WDR48: variants seen among roughly 807,000 people sequenced by gnomAD.
The protein encoded by WDR48 is WD repeat-containing protein 48.
A neutral mutation model predicts 94.0 loss-of-function variants in WDR48; 22 were observed. The ratio of observed to expected loss-of-function variants is 0.23; its 90% CI spans 0.17 to 0.33. The LOEUF is 0.33. Ranked by LOEUF, WDR48 falls within the 10% of genes least tolerant of loss-of-function variation. The pLI is 1.00. For missense variants in WDR48, 541 were observed against 813.8 expected (o/e 0.66, Z 4.08); for synonymous variants, 278 against 280.5 (o/e 0.99, Z 0.09).
chr3:39,068,530 A>G (rs568250922), intron 5 of WDR48, among the ~76,000 whole-genome samples: 1 of 152,350 alleles, frequency 6.6e-6, no homozygotes, highest in Admixed American at 6.5e-5. Context: ...TTAAGCGGAT[A>G]GCTTTTCAAT....
At chr3:39,094,495 C>T (rs79218984) in intron 18 of WDR48, 153 bp from the exon 19 acceptor site, 26,348 of 1,535,772 alleles carry the variant, frequency 0.017, 280 homozygotes, top group Non-Finnish European at 0.018. Context: ...AATTTCATTC[C>T]CGCATGCATG....
At chr3:39,075,639 A>C (rs2034181336) in intron 8 of WDR48, among the ~76,000 whole-genome samples, 1 of 152,180 alleles carries the variant, frequency 6.6e-6, no homozygotes, top group African/African-American at 2.4e-5. Flanking sequence ...CGACATGTTC[A>C]ACCTCACCGA....
At chr3:39,053,735 A>G (rs1421768084) in intron 1 of WDR48, among the ~76,000 whole-genome samples, 1 of 152,156 alleles carries the variant, frequency 6.6e-6, no homozygotes, top group African/African-American at 2.4e-5. Flanking sequence ...CATGCAATAA[A>G]GTATATATAT....
rs76181573 is a variant in WDR48, at chr3:39,072,090, G to A, written c.672+2346G>A. On this transcript the variant is annotated intron_variant, in intron 7 of 18. Coordinates refer to ENST00000302313, the MANE Select transcript of WDR48 (RefSeq NM_020839.4). ...TTTGTAAATCAGGAATTGGCAGTAA[G>A]ATACATATCTTATAGGCCAATGAAT... Among the ~76,000 whole-genome samples the A allele has an allele frequency of 3.9e-5, 6 of 152,276 alleles. No homozygotes were observed. In the East Asian group the frequency reaches 1.2e-3, roughly 29 times the overall value.
chr3:39,086,071 A>G (rs1026701180), intron 14 of WDR48, among the ~76,000 whole-genome samples: 8 of 151,850 alleles, frequency 5.3e-5, no homozygotes, highest in African/African-American at 1.9e-4. Flanking sequence ...ACTCTGTTTC[A>G]AAAAAAAATT....
intron 1 of WDR48, among the ~76,000 whole-genome samples, chr3:39,058,938 C>T (rs6794597): frequency 0.15 from 22,976 of 151,756 alleles, 3,459 homozygotes; most frequent in African/African-American, 0.39. Context: ...AGCTGGGCGC[C>T]ATAGCAGGCA....
chr3:39,079,169 TA>T (rs2034394895), intron 10 of WDR48, among the ~76,000 whole-genome samples: 1 of 152,140 alleles, frequency 6.6e-6, no homozygotes, highest in South Asian at 2.1e-4. Flanking sequence ...TGTACTTAGA[TA>T]TGAGGCAGAA....
At chr3:39,064,685 CT>C (rs1351235438) in intron 2 of WDR48, among the ~76,000 whole-genome samples, 2 of 152,094 alleles carry the variant, frequency 1.3e-5, no homozygotes, top group Non-Finnish European at 2.9e-5. Context: ...AGTGCTAGAC[CT>C]TGTATTTTTA....
At chr3:39,060,653 A>G (rs149324418) in intron 1 of WDR48, among the ~76,000 whole-genome samples, 1 of 152,272 alleles carries the variant, frequency 6.6e-6, no homozygotes, top group East Asian at 1.9e-4. Context: ...CTGGCAAGGG[A>G]CTATGTAAAT....
intron 1 of WDR48, among the ~76,000 whole-genome samples, chr3:39,054,277 A>G (rs1365906901): frequency 6.6e-6 from 1 of 152,222 alleles, no homozygotes; most frequent in Non-Finnish European, 1.5e-5. Flanking sequence ...CAACCTGAAC[A>G]TTCTTGAAAT....
At position 39,093,909 on chromosome 3, in the gene WDR48, G is replaced by A. The variant is rs752625088; in HGVS notation, c.1781G>A (p.Arg594Gln). 3.1e-6 allele frequency: 5 copies of A among 1,611,796 alleles called. No individual in the cohort carries two copies. In the South Asian group the frequency reaches 3.3e-5, roughly 11 times the overall value. The change falls in exon 18 of 19, where the codon CGA becomes CAA. Residue 594 changes from arginine (R) to glutamine (Q), a missense_variant. This residue lies in a region of WDR48 where 109 missense variants were observed against 195.5 expected (regional missense o/e 0.56). Coordinates refer to ENST00000302313, the MANE Select transcript of WDR48 (RefSeq NM_020839.4). ...TCTGCTAGTGACATGCTCCAAGTCC[G>A]AAAAGTTATGGAACATGTTTATGAA... ...RLSASDMLQV[R>Q]KVMEHVYEKI...
chr3:39,078,517 C>G (rs940574496), intron 10 of WDR48, among the ~76,000 whole-genome samples: 1 of 151,820 alleles, frequency 6.6e-6, no homozygotes, highest in South Asian at 2.1e-4. Flanking sequence ...CTCCCGGGTT[C>G]AAGCCATTAT....
At position 39,080,725 on chromosome 3, in the gene WDR48, C is replaced by T. The variant is rs117135470; in HGVS notation, c.1173+917C>T. Reference sequence around the variant, plus strand: ...TGGATGAGGGAAGTCAGGAGAGCTTCGTGGTGGAGAAATCATTTGAACAAG... The same window carrying T: ...TGGATGAGGGAAGTCAGGAGAGCTTTGTGGTGGAGAAATCATTTGAACAAG... On this transcript the variant is annotated intron_variant, in intron 11 of 18. Coordinates refer to ENST00000302313, the MANE Select transcript of WDR48 (RefSeq NM_020839.4). Among the ~76,000 whole-genome samples the T allele has an allele frequency of 6.6e-5, 10 of 152,188 alleles. No homozygotes were observed. In the East Asian group the frequency reaches 9.7e-4, roughly 15 times the overall value.
intron 7 of WDR48, among the ~76,000 whole-genome samples, chr3:39,073,463 T>C (rs2034048140): frequency 1.3e-5 from 2 of 152,162 alleles, no homozygotes; most frequent in African/African-American, 2.4e-5. Flanking sequence ...CCTCATGTAT[T>C]TGGGCACCTT....
At position 39,052,083 on chromosome 3, in the gene WDR48, C is replaced by A. The variant is rs371870978; in HGVS notation, c.48+10C>A. ...GCGGAGGAAAGTGCAGGTATGGAAGCCCGGTTCCTCGGTCTTCCGGACGCG... is the reference window on the plus strand; with the variant it reads ...GCGGAGGAAAGTGCAGGTATGGAAGACCGGTTCCTCGGTCTTCCGGACGCG... On this transcript the variant is annotated intron_variant, in intron 1 of 18. Transcript: ENST00000302313. The A allele has an allele frequency of 6.2e-7, 1 of 1,613,452 alleles. No homozygotes were observed. The highest frequency in any genetic ancestry group is 1.1e-5 in the South Asian group (1 of 91,056).
rs35965777 is a variant in WDR48, at chr3:39,063,106, T to G, written c.105T>G (p.Ala35=). The change falls in exon 2 of 19, where the codon GCT becomes GCG. Residue 35 remains alanine (A), a synonymous_variant. Coordinates refer to ENST00000302313, the MANE Select transcript of WDR48 (RefSeq NM_020839.4). ...VEKYNRNGVN[A]LQLDPALNRL... ...AGTACAACCGAAATGGAGTCAATGC[T>G]CTGCAGCTGGATCCAGCACTAAATA... 6.2e-7 allele frequency: 1 copy of G among 1,614,138 alleles called. No individual in the cohort carries two copies. The highest frequency in any genetic ancestry group is 8.5e-7 in the Non-Finnish European group (1 of 1,180,002).
Position 39,062,949 on chromosome 3 carries a change from A to T in WDR48, c.49-101A>T. On this transcript the variant is annotated intron_variant, in intron 1 of 18. Coordinates refer to ENST00000302313, the MANE Select transcript of WDR48 (RefSeq NM_020839.4). ...ATTGGGTTGAAAAAGTACATATTGG[A>T]AAACATGGGATTTTCTGTTTCAGAT... 3 of 1,444,336 alleles carry T rather than the reference A, an allele frequency of 2.1e-6. No individual in the cohort carries two copies. In the East Asian group the frequency reaches 6.9e-5, roughly 33 times the overall value. 89.5% of individuals were successfully genotyped at this position (1,444,336 alleles called of 1,614,324 possible). A position where few individuals can be genotyped will look rare whatever the true frequency, so the allele number is the denominator to read the frequency against.
At position 39,078,184 on chromosome 3, in the gene WDR48, T is replaced by A. The variant is rs1425347491; in HGVS notation, c.1020T>A (p.Asn340Lys). ...TTAGAGCCTCTGGAGATTATGACAA[T>A]GACTGTACAAATCCTATAACACCTC... ...HNFRASGDYD[N>K]DCTNPITPLC... is the part of the protein sequence containing the mutation. The change falls in exon 10 of 19, where the codon AAT becomes AAA. Residue 340 changes from asparagine to lysine, a missense_variant. Coordinates refer to ENST00000302313, the MANE Select transcript of WDR48 (RefSeq NM_020839.4). The A allele has an allele frequency of 1.2e-6, 2 of 1,612,658 alleles. No homozygotes were observed. The highest frequency in any genetic ancestry group is 1.7e-6 in the Non-Finnish European group (2 of 1,179,502).
At chr3:39,088,096 C>G (rs777262926) in intron 14 of WDR48, 32 bp from the exon 15 acceptor site, 6 of 1,604,142 alleles carry the variant, frequency 3.7e-6, no homozygotes, top group Non-Finnish European at 5.1e-6. Context: ...AGCACTAACT[C>G]TGATATTAAC....
Sources: allele counts gnomAD v4.1 joint callset (sites outside exome capture counted in the v4.1 genomes callset), GRCh38; gene constraint gnomAD v4.1.1; regional missense constraint gnomAD v4.1.1; transcripts MANE v1.5; gene names NCBI Gene and HGNC (gene_info 2026-07-23, HGNC 2026-07-21).